Variants in VEPH1 observed in about 807,000 individuals in gnomAD.
The protein encoded by VEPH1 is ventricular zone expressed PH domain containing 1.
In VEPH1, 80 loss-of-function variants were observed where a neutral mutation model predicts 85.2. The observed-to-expected ratio is 0.94, with a 90% confidence interval of 0.78 to 1.13. The LOEUF (loss-of-function observed/expected upper bound fraction) is 1.13. Ranked by LOEUF, VEPH1 falls within the 50% of genes most tolerant of loss-of-function variation. The pLI, the probability that VEPH1 is intolerant of heterozygous loss-of-function variation, is 0.00. For synonymous variants in VEPH1, 297 were observed against 348.0 expected (o/e 0.85, Z 1.63); for missense variants, 955 against 980.5 (o/e 0.97, Z 0.35).
At chr3:157,418,108 G>T (rs1388843488) in intron 5 of VEPH1, among the ~76,000 whole-genome samples, 1 of 152,166 alleles carries the variant, frequency 6.6e-6, no homozygotes, top group African/African-American at 2.4e-5. Context: ...CTGGAAGCAG[G>T]TTTGAGATAC....
chr3:157,262,275 T>C (rs113407812), intron 13 of VEPH1, among the ~76,000 whole-genome samples: 7 of 152,198 alleles, frequency 4.6e-5, no homozygotes, highest in African/African-American at 1.4e-4. Flanking sequence ...ACTCCTCATC[T>C]ATTTCATTAT....
chr3:157,339,845 C>A (rs909833825), intron 9 of VEPH1, among the ~76,000 whole-genome samples: 2 of 152,146 alleles, frequency 1.3e-5, no homozygotes, highest in African/African-American at 4.8e-5. Flanking sequence ...GTATTCCAAG[C>A]CAGCCTTACC....
chr3:157,358,474 A>G (rs1322858102), intron 9 of VEPH1, among the ~76,000 whole-genome samples: 1 of 152,194 alleles, frequency 6.6e-6, no homozygotes, highest in Non-Finnish European at 1.5e-5. Flanking sequence ...CAATTCATGG[A>G]TAAATTATCC....
At chr3:157,293,974 C>G (rs1424197317) in intron 11 of VEPH1, among the ~76,000 whole-genome samples, 1 of 152,196 alleles carries the variant, frequency 6.6e-6, no homozygotes, top group East Asian at 1.9e-4. Context: ...TTATAGCCAG[C>G]ACTTACATAT....
chr3:157,391,527 C>A lies in VEPH1; in HGVS notation c.907-10151G>T, dbSNP rs146752787. ...TACATATAAAGTCAGCCATTACCAG[C>A]GGCATGGCTGCACAGACACTGTGCA... On this transcript the variant is annotated intron_variant, in intron 6 of 13. Coordinates refer to ENST00000362010, the MANE Select transcript of VEPH1 (RefSeq NM_001167912.2). Among the ~76,000 whole-genome samples the A allele has an allele frequency of 4.7e-3, 711 of 152,274 alleles. 7 individuals are homozygous for A. The highest frequency in any genetic ancestry group is 0.016 in the African/African-American group (676 of 41,548).
chr3:157,439,355 C>T (rs1467366255), intron 4 of VEPH1, among the ~76,000 whole-genome samples: 2 of 152,098 alleles, frequency 1.3e-5, no homozygotes, highest in Admixed American at 6.6e-5. Flanking sequence ...ATACTTTTAC[C>T]CATATGCTTT....
chr3:157,500,775 A>G (rs1353677626), intron 1 of VEPH1, among the ~76,000 whole-genome samples: 3 of 152,094 alleles, frequency 2.0e-5, no homozygotes, highest in Non-Finnish European at 4.4e-5. Context: ...TGGACACTCT[A>G]TGGAACTCCA....
intron 6 of VEPH1, among the ~76,000 whole-genome samples, chr3:157,399,314 A>G (rs1730649767): frequency 1.3e-5 from 2 of 152,352 alleles, no homozygotes; most frequent in South Asian, 4.1e-4. Context: ...GAATTGAAAT[A>G]TCTTCAACAT....
chr3:157,418,781 GCTACTCTCATTAAA>G (rs1445556147), intron 5 of VEPH1, among the ~76,000 whole-genome samples: 6 of 152,162 alleles, frequency 3.9e-5, no homozygotes, highest in Non-Finnish European at 8.8e-5. Flanking sequence ...CAGATTCAAT[GCTACTCTCATTAAA>G]CTACCATTGA....
intron 9 of VEPH1, among the ~76,000 whole-genome samples, chr3:157,318,698 A>G (rs2108539273): frequency 6.6e-6 from 1 of 152,192 alleles, no homozygotes; most frequent in South Asian, 2.1e-4. Flanking sequence ...TAATAGATTC[A>G]GTGATCCAGT....
intron 12 of VEPH1, among the ~76,000 whole-genome samples, chr3:157,281,540 CTT>C (rs370462040): frequency 6.9e-6 from 1 of 145,812 alleles, no homozygotes; most frequent in South Asian, 2.2e-4. Flanking sequence ...ATCGAGTTTT[CTT>C]TTTTTTTTTT....
intron 2 of VEPH1, chr3:157,493,083 T>C (rs1054151711): frequency 5.7e-6 from 2 of 350,464 alleles, no homozygotes; most frequent in Non-Finnish European, 1.1e-5. Flanking sequence ...TGGGCACTCA[T>C]GAGTAGGGAA....
intron 4 of VEPH1, among the ~76,000 whole-genome samples, chr3:157,437,286 G>A (rs1241197113): frequency 6.6e-6 from 1 of 152,192 alleles, no homozygotes; most frequent in South Asian, 2.1e-4. Context: ...ACTGTTTTGA[G>A]CTACATAACC....
intron 6 of VEPH1, chr3:157,381,720 G>GAA (rs1006183569): frequency 3.6e-5 from 7 of 193,510 alleles, no homozygotes; most frequent in African/African-American, 1.4e-4. Flanking sequence ...CTCGGTCTCA[G>GAA]AAAAAAAAAA....
At chr3:157,283,927 C>A (rs749964641) in intron 12 of VEPH1, among the ~76,000 whole-genome samples, 1 of 152,190 alleles carries the variant, frequency 6.6e-6, no homozygotes. Context: ...GCTGATAGGG[C>A]AGCTGGCCCC....
chr3:157,387,985 T>G (rs1037656186), intron 6 of VEPH1, among the ~76,000 whole-genome samples: 5 of 152,164 alleles, frequency 3.3e-5, no homozygotes, highest in Non-Finnish European at 7.4e-5. Context: ...CCCCTGTCTT[T>G]TATCACTTTA....
intron 12 of VEPH1, among the ~76,000 whole-genome samples, chr3:157,273,432 C>T (rs1714968866): frequency 6.6e-6 from 1 of 152,058 alleles, no homozygotes; most frequent in Non-Finnish European, 1.5e-5. Context: ...CTGGGGCATA[C>T]AAAGCAGAAA....
chr3:157,423,123 A>T (rs1732476636), intron 5 of VEPH1, among the ~76,000 whole-genome samples: 1 of 152,170 alleles, frequency 6.6e-6, no homozygotes, highest in South Asian at 2.1e-4. Context: ...TAATTCAATA[A>T]CTTTTTATTA....
At chr3:157,387,211 T>C (rs1435782843) in intron 6 of VEPH1, among the ~76,000 whole-genome samples, 1 of 152,192 alleles carries the variant, frequency 6.6e-6, no homozygotes, top group Admixed American at 6.5e-5. Flanking sequence ...GTTTTTTTAA[T>C]ACTACTACTC....
Sources: gnomAD v4.1 joint callset for allele counts (sites outside exome capture counted in the v4.1 genomes callset) on GRCh38, gnomAD v4.1.1 for gene constraint, MANE v1.5 for transcripts, NCBI Gene and HGNC (gene_info 2026-07-23, HGNC 2026-07-21) for gene names.